The following NRXN3 variants were observed in gnomAD, a reference collection of about 807,000 sequenced individuals.
NRXN3 encodes the protein neurexin III.
In NRXN3, 32 loss-of-function variants were observed where a neutral mutation model predicts 137.6. The ratio of observed to expected loss-of-function variants is 0.23; its 90% confidence interval spans 0.18 to 0.31. NRXN3 has a LOEUF of 0.31. Ranked by LOEUF, NRXN3 falls within the 10% of genes least tolerant of loss-of-function variation. The pLI is 1.00. For synonymous variants in NRXN3, 798 were observed against 784.5 expected, an observed-to-expected ratio of 1.02 and a Z score of -0.29; for missense variants, 1,574 against 2,062.5, an observed-to-expected ratio of 0.76 and a Z score of 4.59.
intron 16 of NRXN3, among the ~76,000 whole-genome samples, chr14:79,531,833 T>C (rs533950215): frequency 1.4e-4 from 21 of 152,212 alleles, no homozygotes; most frequent in Non-Finnish European, 2.8e-4. Flanking sequence ...GCTTGAGATT[T>C]AATTTGCTAA....
chr14:78,526,688 G>C, intron 4 of NRXN3: 1 of 502,562 alleles, frequency 2.0e-6, no homozygotes, highest in Non-Finnish European at 4.0e-6. Context: ...CGTGCACTAG[G>C]GTAAGCACTT....
intron 15 of NRXN3, among the ~76,000 whole-genome samples, chr14:79,193,153 T>A (rs377637461): frequency 6.6e-6 from 1 of 150,678 alleles, no homozygotes; most frequent in Non-Finnish European, 1.5e-5. Context: ...AAAAAAAAAT[T>A]GAAAAAAATT....
At chr14:78,929,291 T>G (rs966914662) in intron 10 of NRXN3, among the ~76,000 whole-genome samples, 7 of 152,196 alleles carry the variant, frequency 4.6e-5, no homozygotes, top group Non-Finnish European at 1.0e-4. Flanking sequence ...TTATACAGAT[T>G]ATTTCATCAC....
chr14:79,515,667 T>G lies in NRXN3; in HGVS notation c.3444+48265T>G, dbSNP rs556058727. Reference sequence around the variant, plus strand: ...TCCCTTCCTTTTCTTCTTTTTCTTCTTATTTTGATTTTGTTTTACTTTATG... The same window carrying G: ...TCCCTTCCTTTTCTTCTTTTTCTTCGTATTTTGATTTTGTTTTACTTTATG... On this transcript the variant is annotated intron_variant, in intron 16 of 20. Coordinates refer to ENST00000335750, the MANE Select transcript of NRXN3 (RefSeq NM_001330195.2). Among the ~76,000 whole-genome samples, 132 of 152,182 alleles carry G rather than the reference T, an allele frequency of 8.7e-4. 1 individual carries two copies. Among genetic ancestry groups the G allele is most frequent in the Non-Finnish European group, 1.7e-3 (114 of 68,032 alleles).
At chr14:79,776,501 C>T (rs1472148819) in intron 19 of NRXN3, among the ~76,000 whole-genome samples, 2 of 152,202 alleles carry the variant, frequency 1.3e-5, no homozygotes, top group African/African-American at 4.8e-5. Context: ...TTCAGGTTCC[C>T]TCCCCCATGG....
chr14:79,702,470 G>T (rs927160950), intron 19 of NRXN3, among the ~76,000 whole-genome samples: 1 of 151,990 alleles, frequency 6.6e-6, no homozygotes, highest in African/African-American at 2.4e-5. Context: ...GTTGTAAAAA[G>T]AGCACAATTG....
chr14:79,050,779 G>A (rs1167941989), intron 15 of NRXN3, among the ~76,000 whole-genome samples: 1 of 152,200 alleles, frequency 6.6e-6, no homozygotes, highest in East Asian at 1.9e-4. Context: ...TCCACAGACT[G>A]TGGGCTACAG....
At position 78,882,455 on chromosome 14, in the gene NRXN3, G is replaced by A. The variant is rs572007274; in HGVS notation, c.2275+72111G>A. Among the ~76,000 whole-genome samples, 3 of 151,872 alleles carry A rather than the reference G, an allele frequency of 2.0e-5. No homozygotes were observed. In the East Asian group the frequency reaches 5.8e-4, roughly 29 times the overall value. On this transcript the variant is annotated intron_variant, in intron 10 of 20. Coordinates refer to ENST00000335750, the MANE Select transcript of NRXN3 (RefSeq NM_001330195.2). ...CAGGGGCAGTGCTGTCCAAGCCATG[G>A]GAGCCCACCTCTTGCATCAGCATGC...
chr14:79,519,248 TG>T (rs1405600267), intron 16 of NRXN3, among the ~76,000 whole-genome samples: 1 of 152,174 alleles, frequency 6.6e-6, no homozygotes, highest in Non-Finnish European at 1.5e-5. Flanking sequence ...GTCATTTTTC[TG>T]TGCTTATTTT....
At chr14:78,444,334 C>G (rs1325131227) in intron 4 of NRXN3, among the ~76,000 whole-genome samples, 1 of 152,160 alleles carries the variant, frequency 6.6e-6, no homozygotes, top group Non-Finnish European at 1.5e-5. Flanking sequence ...GTTCCTGGCC[C>G]CAGGGTGCCC....
intron 19 of NRXN3, among the ~76,000 whole-genome samples, chr14:79,721,675 T>C (rs374914695): frequency 6.6e-6 from 1 of 152,162 alleles, no homozygotes; most frequent in East Asian, 1.9e-4. Flanking sequence ...TATTTGAAAG[T>C]GGCTGGCTAT....
intron 10 of NRXN3, among the ~76,000 whole-genome samples, chr14:78,816,355 T>C (rs1247086984): frequency 6.6e-6 from 1 of 152,126 alleles, no homozygotes; most frequent in Non-Finnish European, 1.5e-5. Context: ...ATACAACATA[T>C]AATTATATCC....
chr14:79,116,270 A>C (rs1234118661), intron 15 of NRXN3, among the ~76,000 whole-genome samples: 1 of 152,184 alleles, frequency 6.6e-6, no homozygotes, highest in Non-Finnish European at 1.5e-5. Flanking sequence ...TGAAAGAAGC[A>C]GTACAGCCGG....
At chr14:78,488,913 TAAAGA>T (rs1251360505) in intron 4 of NRXN3, among the ~76,000 whole-genome samples, 2 of 150,384 alleles carry the variant, frequency 1.3e-5, no homozygotes, top group African/African-American at 4.9e-5. Flanking sequence ...AAGGGAGAGG[TAAAGA>T]AGAGAGAGAA....
At chr14:79,573,751 T>C (rs2097637425) in intron 16 of NRXN3, among the ~76,000 whole-genome samples, 1 of 152,124 alleles carries the variant, frequency 6.6e-6, no homozygotes, top group Admixed American at 6.6e-5. Context: ...CTTGGAGGGC[T>C]GCCATGTCCG....
At chr14:78,882,645 A>G (rs2099132475) in intron 10 of NRXN3, among the ~76,000 whole-genome samples, 2 of 151,686 alleles carry the variant, frequency 1.3e-5, no homozygotes, top group Non-Finnish European at 1.5e-5. Flanking sequence ...CATTTTATCT[A>G]GGAAGTAACT....
intron 4 of NRXN3, among the ~76,000 whole-genome samples, chr14:78,620,629 G>A (rs1347631254): frequency 6.6e-6 from 1 of 152,152 alleles, no homozygotes; most frequent in Admixed American, 6.5e-5. Context: ...GCACTGTCGT[G>A]TTTACGGTGC....
chr14:78,250,484 G>C (rs953404712), intron 2 of NRXN3, among the ~76,000 whole-genome samples: 1 of 152,190 alleles, frequency 6.6e-6, no homozygotes, highest in Non-Finnish European at 1.5e-5. Flanking sequence ...GATAAAAGGA[G>C]GGGAATTTTG....
At chr14:78,204,580 A>G (rs2062002679) in intron 1 of NRXN3, among the ~76,000 whole-genome samples, 1 of 152,252 alleles carries the variant, frequency 6.6e-6, no homozygotes. Context: ...ATATTATGCT[A>G]TCATCAAAAT....
Sources: allele counts gnomAD v4.1 joint callset (sites outside exome capture counted in the v4.1 genomes callset), GRCh38; gene constraint gnomAD v4.1.1; transcripts MANE v1.5; gene names NCBI Gene and HGNC (gene_info 2026-07-23, HGNC 2026-07-21).